Variants in CAPZB observed in about 807,000 individuals in gnomAD.
CAPZB encodes capping actin protein of muscle Z-line subunit beta.
Under a neutral mutation model 38.1 loss-of-function variants are expected in CAPZB, and 2 were observed. The observed-to-expected ratio is 0.05, with a 90% confidence interval of 0.02 to 0.17. The LOEUF is 0.17. CAPZB is among the 10% of genes least tolerant of loss of function. CAPZB has a pLI of 1.00. For missense variants in CAPZB, 161 were observed against 334.2 expected (o/e 0.48, Z 4.04); for synonymous variants, 107 against 127.4 (o/e 0.84, Z 1.08).
intron 2 of CAPZB, among the ~76,000 whole-genome samples, chr1:19,397,372 A>G (rs968584257): frequency 6.6e-6 from 1 of 152,174 alleles, no homozygotes; most frequent in Non-Finnish European, 1.5e-5. Context: ...ATTATCCCAC[A>G]TTACTGTTTA....
At position 19,467,786 on chromosome 1, in the gene CAPZB, T is replaced by C. The variant is rs550826972; in HGVS notation, c.3+17650A>G. Among the ~76,000 whole-genome samples, 170 of 152,308 alleles carry C rather than the reference T, an allele frequency of 1.1e-3. 1 individual carries two copies. Among genetic ancestry groups the C allele is most frequent in the Non-Finnish European group, 1.0e-3 (68 of 68,014 alleles). On this transcript the variant is annotated intron_variant, in intron 1 of 8. Transcript: ENST00000264202. ...AAAAGCCCAAATGACCAGGGCTGTT[T>C]TGGTTTAAAGCACAATTTGGGTTCA... is the stretch of plus-strand genomic sequence containing the variant.
chr1:19,424,106 C>G (rs182697600), intron 1 of CAPZB, among the ~76,000 whole-genome samples: 51 of 152,300 alleles, frequency 3.3e-4, no homozygotes, highest in Non-Finnish European at 6.2e-4. Context: ...GCCACTGCAC[C>G]TGGCCATGAA....
intron 1 of CAPZB, among the ~76,000 whole-genome samples, chr1:19,471,253 G>T (rs1014609207): frequency 6.6e-6 from 1 of 152,042 alleles, no homozygotes; most frequent in Non-Finnish European, 1.5e-5. Context: ...TATGGAAAAA[G>T]GGGGGATGAT....
intron 1 of CAPZB, chr1:19,448,903 C>G: frequency 6.2e-7 from 1 of 1,612,930 alleles, no homozygotes; most frequent in East Asian, 2.2e-5. Flanking sequence ...TATCCTGGAA[C>G]TGCCTGGGCA....
At chr1:19,373,915 G>A (rs1325207249) in intron 4 of CAPZB, among the ~76,000 whole-genome samples, 1 of 151,926 alleles carries the variant, frequency 6.6e-6, no homozygotes, top group African/African-American at 2.4e-5. Flanking sequence ...GGCTGGTCTC[G>A]AGCTCCCGGC....
rs572820559 is a variant in CAPZB, at chr1:19,410,071, G to A, written c.93+9590C>T. Among the ~76,000 whole-genome samples the A allele has an allele frequency of 8.5e-5, 13 of 152,324 alleles. No homozygotes were observed. In the South Asian group the frequency reaches 2.7e-3, roughly 32 times the overall value. On this transcript the variant is annotated intron_variant, in intron 2 of 8. Coordinates refer to ENST00000264202, the MANE Select transcript of CAPZB (RefSeq NM_004930.5). The stretch of plus-strand genomic sequence containing the variant: ...CCAAATAGGAATACCACTTGTGATT[G>A]TTCTAAGTTCTTCCATTACTGAGTC...
intron 1 of CAPZB, among the ~76,000 whole-genome samples, chr1:19,445,899 C>T (rs1419607364): frequency 6.6e-6 from 1 of 152,172 alleles, no homozygotes; most frequent in Non-Finnish European, 1.5e-5. Flanking sequence ...AACAAAACAA[C>T]CACTAGAGGC....
At chr1:19,428,916 C>T (rs1267882674) in intron 1 of CAPZB, among the ~76,000 whole-genome samples, 1 of 152,164 alleles carries the variant, frequency 6.6e-6, no homozygotes, top group African/African-American at 2.4e-5. Context: ...ATTCAACGCC[C>T]AGCATCCCAG....
intron 1 of CAPZB, among the ~76,000 whole-genome samples, chr1:19,464,960 C>T (rs1215037147): frequency 6.6e-6 from 1 of 152,060 alleles, no homozygotes; most frequent in African/African-American, 2.4e-5. Context: ...TTCTATAACT[C>T]GATTGTGGTG....
chr1:19,456,453 T>C (rs2094533327), intron 1 of CAPZB, among the ~76,000 whole-genome samples: 2 of 152,230 alleles, frequency 1.3e-5, no homozygotes, highest in African/African-American at 4.8e-5. Flanking sequence ...ACACAGAGAC[T>C]GGTATACAAC....
intron 6 of CAPZB, among the ~76,000 whole-genome samples, chr1:19,349,174 G>A (rs918672011): frequency 6.6e-6 from 1 of 152,164 alleles, no homozygotes; most frequent in Non-Finnish European, 1.5e-5. Context: ...CAGGAGCTGG[G>A]GAGCACCCTC....
intron 1 of CAPZB, among the ~76,000 whole-genome samples, chr1:19,478,867 G>A (rs548754722): frequency 1.6e-4 from 25 of 152,186 alleles, no homozygotes; most frequent in Non-Finnish European, 2.9e-4. Flanking sequence ...AGGGTGACAT[G>A]AGAATCTGCC....
chr1:19,352,043 C>T (rs536102207), intron 6 of CAPZB, among the ~76,000 whole-genome samples: 11 of 152,350 alleles, frequency 7.2e-5, no homozygotes, highest in South Asian at 6.2e-4. Flanking sequence ...CCACAGGACA[C>T]GAGGAGCGGG....
At chr1:19,339,732 G>A in intron 8 of CAPZB, 115 bp from the exon 9 acceptor site, 2 of 819,544 alleles carry the variant, frequency 2.4e-6, no homozygotes, top group Non-Finnish European at 4.3e-6. Context: ...CCGCTTCCTG[G>A]GGTGAGGCTC....
At chr1:19,359,072 C>T (rs1277007928) in intron 4 of CAPZB, among the ~76,000 whole-genome samples, 3 of 151,794 alleles carry the variant, frequency 2.0e-5, no homozygotes, top group Non-Finnish European at 4.4e-5. Flanking sequence ...AAAGTAGACA[C>T]CTGCCAAACG....
In CAPZB at chr1:19,339,237, T is replaced by C; in HGVS notation, c.*293A>G. On this transcript the variant is annotated 3_prime_UTR_variant, in exon 9 of 9. Transcript: ENST00000264202. ...GCTGGCAGACAGTGGATTTTATGCC[T>C]ATAAATGGGGGGACAGGGAGGAAGA... The C allele has an allele frequency of 2.3e-6, 1 of 428,056 alleles. No homozygotes were observed. Among genetic ancestry groups the C allele is most frequent in the East Asian group, 4.1e-5 (1 of 24,326 alleles). The allele number at this position is 428,056 out of a possible 1,614,324, so 26.5% of individuals were successfully genotyped here.
intron 1 of CAPZB, among the ~76,000 whole-genome samples, chr1:19,422,217 T>A (rs1459481211): frequency 1.3e-5 from 2 of 152,138 alleles, no homozygotes; most frequent in African/African-American, 4.8e-5. Flanking sequence ...GACATTTTTG[T>A]CACAACTGGG....
chr1:19,406,537 C>A (rs948872828), intron 2 of CAPZB, among the ~76,000 whole-genome samples: 4 of 152,278 alleles, frequency 2.6e-5, no homozygotes, highest in Middle Eastern at 3.4e-3. Flanking sequence ...TGGTGACCTG[C>A]AGTGACAAGG....
At chr1:19,352,102 G>C (rs2100289350) in intron 6 of CAPZB, among the ~76,000 whole-genome samples, 1 of 152,372 alleles carries the variant, frequency 6.6e-6, no homozygotes, top group African/African-American at 2.4e-5. Flanking sequence ...TCCTGGAACT[G>C]CCAAGCTGGG....
Sources: gnomAD v4.1 joint callset for allele counts (sites outside exome capture counted in the v4.1 genomes callset) on GRCh38, gnomAD v4.1.1 for gene constraint, MANE v1.5 for transcripts, NCBI Gene and HGNC (gene_info 2026-07-23, HGNC 2026-07-21) for gene names.